Variants in PI16 observed in about 807,000 individuals in gnomAD.
PI16 encodes PSP94-binding protein.
PI16 carries 35 observed loss-of-function variants against 38.0 expected under a neutral mutation model. The observed-to-expected ratio is 0.92, with a 90% CI of 0.70 to 1.22. PI16 has a LOEUF of 1.22. Ranked by LOEUF, PI16 falls within the 50% of genes most tolerant of loss-of-function variation. The pLI is 0.00. For missense variants in PI16, 572 were observed against 593.8 expected (o/e 0.96, Z 0.38); for synonymous variants, 275 against 252.9 (o/e 1.09, Z -0.83).
chr6:36,954,627 CA>C, upstream of PI16: 2 of 1,416,828 alleles, frequency 1.4e-6, no homozygotes, highest in Non-Finnish European at 1.9e-6. Flanking sequence ...CTCCCTGAGA[CA>C]TTGTGTGAGT....
intron 2 of PI16, 89 bp downstream of exon 2, chr6:36,959,455 C>T: frequency 1.5e-6 from 2 of 1,321,068 alleles, no homozygotes; most frequent in Non-Finnish European, 1.0e-6. Flanking sequence ...TCTGCCTTCA[C>T]CCCTCCTAAG....
At chr6:36,963,674 A>C in intron 5 of PI16, 62 bp downstream of exon 5, 1 of 1,576,844 alleles carries the variant, frequency 6.3e-7, no homozygotes, top group Non-Finnish European at 8.6e-7. Flanking sequence ...ATCCTGCCCC[A>C]GCATAGGTGG....
rs757731049 is a variant in PI16 at position 36,961,538 on chromosome 6, C to T, written c.481C>T (p.Leu161=). ...TGTTGAGGAGACCAACATCGAATTA[C>T]TGGTGTGCAACTATGAGCCTCCGTG... is the stretch of plus-strand genomic sequence containing the variant. ...QGVEETNIEL[L]VCNYEPPGNV... is the part of the protein sequence containing the mutation. The change falls in exon 3 of 7, where the codon CTG becomes TTG. Residue 161 remains leucine, a synonymous_variant. Coordinates refer to ENST00000373674, the MANE Select transcript of PI16 (RefSeq NM_153370.3). The T allele has an allele frequency of 1.5e-5, 24 of 1,614,168 alleles. No individual in the cohort carries two copies. The South Asian group carries it at 2.3e-4, about 16-fold the overall frequency.
At chr6:36,959,435 C>T in intron 2 of PI16, 69 bp downstream of exon 2, 1 of 1,438,810 alleles carries the variant, frequency 7.0e-7, no homozygotes, top group South Asian at 1.4e-5. Flanking sequence ...GCTCCCTGGG[C>T]GGGGCCACCT....
In PI16 at chr6:36,961,627, G is replaced by A; in HGVS notation, c.503+67G>A. The A allele has an allele frequency of 2.1e-6, 3 of 1,445,878 alleles. No individual in the cohort carries two copies. In the South Asian group the frequency reaches 3.4e-5, roughly 17 times the overall value. The allele number at this position is 1,445,878 out of a possible 1,614,324, so 89.6% of individuals were successfully genotyped here. A position where few individuals can be genotyped will look rare whatever the true frequency, so the allele number is the denominator to read the frequency against. On this transcript the variant is annotated intron_variant, in intron 3 of 6. Transcript: ENST00000373674. Reference sequence around the variant, plus strand: ...CACAGGCAGAGCCAAGGGGAGGGCAGAGTCGGCCACAGCCTGAGGGAGTGG... The same window carrying A: ...CACAGGCAGAGCCAAGGGGAGGGCAAAGTCGGCCACAGCCTGAGGGAGTGG...
chr6:36,960,325 A>ATGTGTGTGTGTGTGTGTGTGTGTGTGTG (rs10664545), intron 2 of PI16, among the ~76,000 whole-genome samples: 1 of 139,920 alleles, frequency 7.1e-6, no homozygotes, highest in Non-Finnish European at 1.5e-5. Context: ...TGCAGATAAG[A>ATGTGTGTGTGTGTGTGTGTGTGTGTGTG]TGTGTGTGTG....
intron 1 of PI16, among the ~76,000 whole-genome samples, chr6:36,948,618 TTTTCCTTCCTTCCTCCTTCCCTCC>T (rs1763048981): frequency 1.4e-5 from 1 of 73,126 alleles, no homozygotes; most frequent in East Asian, 3.5e-4. Flanking sequence ...TTCTTTTTTT[TTTTCCTTCCTTCCTCCTTCCCTCC>T]TTCCTCCCTC....
At chr6:36,948,590 G>A (rs1202204997) in intron 1 of PI16, among the ~76,000 whole-genome samples, 1 of 140,362 alleles carries the variant, frequency 7.1e-6, no homozygotes, top group Non-Finnish European at 1.6e-5. Flanking sequence ...GAGCCACCAC[G>A]CCCAGCTCTG....
chr6:36,962,195 G>A lies in PI16; in HGVS notation c.592+221G>A, dbSNP rs975250391. On this transcript the variant is annotated intron_variant, in intron 4 of 6. Transcript: ENST00000373674. The surrounding 1 kb of genome is among the most constrained non-coding windows in gnomAD (Gnocchi z 4.1). ...GCCGGATTTCAACCCTTCAAAGGGA[G>A]GATGTTAGAAAGTCTGGCGGCTTCG... Among the ~76,000 whole-genome samples, 2 of 152,180 alleles carry A rather than the reference G, an allele frequency of 1.3e-5. No homozygotes were observed. Among genetic ancestry groups the A allele is most frequent in the Non-Finnish European group, 2.9e-5 (2 of 68,034 alleles).
chr6:36,948,628 TTCC>T (rs150310528), intron 1 of PI16, among the ~76,000 whole-genome samples: 27,412 of 101,298 alleles, frequency 0.27, 3,616 homozygotes, highest in African/African-American at 0.41. Context: ...TTTTCCTTCC[TTCC>T]TCCTTCCCTC....
In PI16 at chr6:36,964,532, G is replaced by C. The variant is rs1176772776; in HGVS notation, c.*165G>C. ...CATCCATCCTGGAGGCACAAGGCCT[G>C]GCTGGCTGCGAGCTCAGGAGGCCGC... On this transcript the variant is annotated 3_prime_UTR_variant, in exon 7 of 7. Coordinates refer to ENST00000373674, the MANE Select transcript of PI16 (RefSeq NM_153370.3). 2 of 152,856 alleles carry C rather than the reference G, an allele frequency of 1.3e-5. No individual in the cohort carries two copies. Among genetic ancestry groups the C allele is most frequent in the African/African-American group, 4.8e-5 (2 of 41,456 alleles). 9.5% of individuals were successfully genotyped at this position (152,856 alleles called of 1,614,324 possible). A position where few individuals can be genotyped will look rare whatever the true frequency, so the allele number is the denominator to read the frequency against.
Position 36,961,525 on chromosome 6 carries a change from C to G in PI16, c.468C>G (p.Thr156=), listed in dbSNP as rs752806399. The change falls in exon 3 of 7, where the codon ACC becomes ACG. Residue 156 remains threonine, a synonymous_variant. Coordinates refer to ENST00000373674, the MANE Select transcript of PI16 (RefSeq NM_153370.3). The part of the protein sequence containing the change: ...FCEKLQGVEE[T]NIELLVCNYE... ...AGAAGCTCCAGGGTGTTGAGGAGAC[C>G]AACATCGAATTACTGGTGTGCAACT... 4 of 1,614,140 alleles carry G rather than the reference C, an allele frequency of 2.5e-6. No individual in the cohort carries two copies. The African/African-American group carries it at 5.3e-5, about 22-fold the overall frequency.
chr6:36,952,002 C>CT (rs796271084), upstream of PI16, among the ~76,000 whole-genome samples: 4,042 of 137,558 alleles, frequency 0.029, 213 homozygotes, highest in African/African-American at 0.094. Flanking sequence ...GAAATTGTGT[C>CT]TTTTTTTTTT....
At position 36,963,578 on chromosome 6, in the gene PI16, T is replaced by C. The variant is rs1763434211; in HGVS notation, c.1236T>C (p.Gly412=). 2.5e-6 allele frequency: 4 copies of C among 1,614,024 alleles called. No homozygotes were observed. In the Admixed American group the frequency reaches 6.7e-5, roughly 27 times the overall value. The change falls in exon 5 of 7, where the codon GGT becomes GGC. Residue 412 remains glycine, a synonymous_variant. Coordinates refer to ENST00000373674, the MANE Select transcript of PI16 (RefSeq NM_153370.3). The part of the protein sequence containing the change: ...PNTSATANAT[G]GRALALQSSL... ...CCTCTGCCACCGCTAATGCCACGGGTGGGCGTGCCCTGGCTCTGCAGTCGT... is the reference window on the plus strand; with the variant it reads ...CCTCTGCCACCGCTAATGCCACGGGCGGGCGTGCCCTGGCTCTGCAGTCGT...
chr6:36,963,513 G>A lies in PI16; in HGVS notation c.1171G>A (p.Gly391Arg). ...GELQATLDHT[G>R]HTSSKSLPNF... is the part of the protein sequence containing the mutation. ...GCTGCAGGCCACACTGGACCACACGGGGCACACCTCCTCCAAGTCCCTGCC... is the reference window on the plus strand; with the variant it reads ...GCTGCAGGCCACACTGGACCACACGAGGCACACCTCCTCCAAGTCCCTGCC... Residue 391 changes from glycine (G) to arginine (R), a missense_variant, in exon 5 of 7, where the codon GGG becomes AGG. Gly to Arg is a moderately radical substitution (Grantham distance 125). Coordinates refer to ENST00000373674, the MANE Select transcript of PI16 (RefSeq NM_153370.3). 6.2e-7 allele frequency: 1 copy of A among 1,614,158 alleles called. No individual in the cohort carries two copies. The highest frequency in any genetic ancestry group is 8.5e-7 in the Non-Finnish European group (1 of 1,180,032).
chr6:36,963,962 G>A lies in PI16; in HGVS notation c.*18G>A, dbSNP rs937677487. ...TCTTCTGAAGGGGATACCACTCAAA[G>A]GCAAGGCCTGGTGAGGGGGGCCCTG... On this transcript the variant is annotated splice_region_variant and 3_prime_UTR_variant, in exon 6 of 7. Coordinates refer to ENST00000373674, the MANE Select transcript of PI16 (RefSeq NM_153370.3). 1.2e-6 allele frequency: 2 copies of A among 1,604,728 alleles called. No homozygotes were observed. The highest frequency in any genetic ancestry group is 1.7e-6 in the Non-Finnish European group (2 of 1,176,214).
At chr6:36,960,852 C>T (rs955288978) in intron 2 of PI16, among the ~76,000 whole-genome samples, 4 of 152,106 alleles carry the variant, frequency 2.6e-5, no homozygotes, top group African/African-American at 9.7e-5. Context: ...AACCTAGAAC[C>T]AGCAAGGCAA....
upstream of PI16, among the ~76,000 whole-genome samples, chr6:36,950,951 G>A (rs534455946): frequency 1.3e-5 from 2 of 152,190 alleles, no homozygotes; most frequent in East Asian, 1.9e-4. The surrounding 1 kb of genome is among the most constrained non-coding windows in gnomAD (Gnocchi z 4.2). Flanking sequence ...GTCTTCCACA[G>A]TGGCTGCACC....
At chr6:36,961,834 G>A (rs1763373312) in intron 3 of PI16, 52 bp from the exon 4 acceptor site, 2 of 1,420,480 alleles carry the variant, frequency 1.4e-6, no homozygotes, top group Non-Finnish European at 2.0e-6. Context: ...GTTGGGGAGA[G>A]GGTTGGGAGG....
Sources: gnomAD v4.1 joint callset for allele counts (sites outside exome capture counted in the v4.1 genomes callset) on GRCh38, gnomAD v4.1.1 for gene constraint, Gnocchi (gnomAD v3.1) non-coding constraint, MANE v1.5 for transcripts, NCBI Gene and HGNC (gene_info 2026-07-23, HGNC 2026-07-21) for gene names.